SYN3: variants seen among roughly 807,000 people sequenced by gnomAD.
The protein encoded by SYN3 is synapsin III, also known as synapsin-3.
SYN3 carries 35 observed loss-of-function variants against 65.8 expected under a neutral mutation model. The ratio of observed to expected loss-of-function variants is 0.53; its 90% CI spans 0.41 to 0.70. The LOEUF is 0.70. SYN3 is among the 30% of genes least tolerant of loss of function. SYN3 has a pLI of 0.00. For missense variants in SYN3, 680 were observed against 749.0 expected, an observed-to-expected ratio of 0.91 and a Z score of 1.08; for synonymous variants, 270 against 292.9, an observed-to-expected ratio of 0.92 and a Z score of 0.80.
At chr22:32,740,373 A>G (rs531917295) in intron 6 of SYN3, among the ~76,000 whole-genome samples, 1 of 152,324 alleles carries the variant, frequency 6.6e-6, no homozygotes, top group African/African-American at 2.4e-5. Context: ...GAGGTGCTGG[A>G]GAAGCTTGGG....
intron 7 of SYN3, among the ~76,000 whole-genome samples, chr22:32,595,688 C>A (rs2059188861): frequency 6.6e-6 from 1 of 152,124 alleles, no homozygotes; most frequent in Non-Finnish European, 1.5e-5. Flanking sequence ...GGAAGAGGGG[C>A]CTGGTGGGAG....
chr22:32,714,436 G>A (rs572497754), intron 6 of SYN3, among the ~76,000 whole-genome samples: 163 of 152,294 alleles, frequency 1.1e-3, no homozygotes, highest in Non-Finnish European at 9.7e-4. Flanking sequence ...GCCTTGGGGA[G>A]TGGGTAGAGC....
At chr22:32,634,081 T>C (rs968576597) in intron 6 of SYN3, among the ~76,000 whole-genome samples, 2 of 152,184 alleles carry the variant, frequency 1.3e-5, no homozygotes, top group African/African-American at 4.8e-5. Flanking sequence ...CTTGCTAACA[T>C]TTACTGAATG....
chr22:32,630,213 A>G (rs891385281), intron 6 of SYN3, among the ~76,000 whole-genome samples: 2 of 151,972 alleles, frequency 1.3e-5, no homozygotes, highest in African/African-American at 4.8e-5. Flanking sequence ...CCATCTCTTG[A>G]CCTCATGATC....
rs145756876 is a variant in SYN3, at chr22:32,714,437, T to A, written c.712-117701A>T. ...TGCAGGTTAGAATTGCCTTGGGGAG[T>A]GGGTAGAGCCAAGCCACCAGCATTT... is the stretch of plus-strand genomic sequence containing the variant. On this transcript the variant is annotated intron_variant, in intron 6 of 13. Coordinates refer to ENST00000358763, the MANE Select transcript of SYN3 (RefSeq NM_003490.4). 1.2e-4 allele frequency among the ~76,000 whole-genome samples: 18 copies of A among 152,194 alleles called. No individual in the cohort carries two copies. In the East Asian group the frequency reaches 3.5e-3, roughly 29 times the overall value.
chr22:32,724,641 T>C (rs1221789594), intron 6 of SYN3, among the ~76,000 whole-genome samples: 1 of 152,202 alleles, frequency 6.6e-6, no homozygotes, highest in Non-Finnish European at 1.5e-5. Flanking sequence ...ATTTTTTTCA[T>C]GTATTAAATG....
At chr22:32,793,996 G>A (rs2046375742) in intron 6 of SYN3, among the ~76,000 whole-genome samples, 1 of 152,244 alleles carries the variant, frequency 6.6e-6, no homozygotes, top group Non-Finnish European at 1.5e-5. Flanking sequence ...TTGGGGAAGA[G>A]AAGGATGGAG....
chr22:32,747,964 T>G (rs1321053019), intron 6 of SYN3, among the ~76,000 whole-genome samples: 1 of 152,166 alleles, frequency 6.6e-6, no homozygotes, highest in African/African-American at 2.4e-5. Flanking sequence ...GAAGCCTTGC[T>G]CTTGGCAGCC....
chr22:32,530,220 G>C (rs1302376479), intron 10 of SYN3: 1 of 152,170 alleles, frequency 6.6e-6, no homozygotes, highest in Non-Finnish European at 1.5e-5. Context: ...TGATAAGCCC[G>C]GCTCATAAGG....
At chr22:32,649,034 T>C (rs1171380978) in intron 6 of SYN3, among the ~76,000 whole-genome samples, 1 of 152,252 alleles carries the variant, frequency 6.6e-6, no homozygotes, top group African/African-American at 2.4e-5. Context: ...TCGTTCCTAA[T>C]TCTTCACCCC....
intron 4 of SYN3, among the ~76,000 whole-genome samples, chr22:32,891,057 A>AC (rs1190326184): frequency 1.3e-5 from 2 of 152,166 alleles, no homozygotes; most frequent in African/African-American, 4.8e-5. Flanking sequence ...CTGCATGCAG[A>AC]CAAGTTCCTG....
intron 4 of SYN3, among the ~76,000 whole-genome samples, chr22:32,887,683 G>A (rs141842208): frequency 7.9e-5 from 12 of 152,332 alleles, no homozygotes; most frequent in African/African-American, 2.9e-4. Context: ...TCTCTTAGTA[G>A]TTTGTTCCCT....
At chr22:32,957,275 T>G (rs2051495377) in intron 3 of SYN3, among the ~76,000 whole-genome samples, 1 of 152,164 alleles carries the variant, frequency 6.6e-6, no homozygotes, top group Non-Finnish European at 1.5e-5. Context: ...GTAAATGCAG[T>G]GAAAGGAGAT....
chr22:32,594,979 G>C (rs1035525639), intron 7 of SYN3, among the ~76,000 whole-genome samples: 4 of 152,160 alleles, frequency 2.6e-5, no homozygotes, highest in African/African-American at 7.2e-5. Flanking sequence ...ACTATGTTGG[G>C]CATTGTGTCT....
chr22:32,913,178 T>G (rs1365941871), intron 4 of SYN3, among the ~76,000 whole-genome samples: 1 of 151,734 alleles, frequency 6.6e-6, no homozygotes, highest in Non-Finnish European at 1.5e-5. Context: ...TTTTTTTTTT[T>G]GAGATGGAGT....
intron 7 of SYN3, among the ~76,000 whole-genome samples, chr22:32,575,915 G>A (rs191156106): frequency 9.4e-4 from 143 of 152,176 alleles, no homozygotes; most frequent in Non-Finnish European, 1.0e-3. Context: ...AACCTATTCC[G>A]GCTGCGTGGC....
Position 32,692,740 on chromosome 22 carries a change from A to T in SYN3, c.712-96004T>A, listed in dbSNP as rs1422380759. Among the ~76,000 whole-genome samples the T allele has an allele frequency of 2.8e-5, 4 of 143,356 alleles. No homozygotes were observed. In the Admixed American group the frequency reaches 2.9e-4, roughly 10 times the overall value. The allele number at this position is 143,356 out of a possible 152,430, so 94.0% of individuals were successfully genotyped here. ...TAGTCATAATTAGTTCCTCTCTCCC[A>T]TCACTTCCCAAAGCCCTGTCTTTGT... On this transcript the variant is annotated intron_variant, in intron 6 of 13. Coordinates refer to ENST00000358763, the MANE Select transcript of SYN3 (RefSeq NM_003490.4).
chr22:32,537,160 T>TC (rs1266414846), intron 9 of SYN3, among the ~76,000 whole-genome samples: 1 of 150,758 alleles, frequency 6.6e-6, no homozygotes, highest in South Asian at 2.1e-4. Flanking sequence ...CTTCGACCCT[T>TC]CCCCCCCTTT....
chr22:32,940,951 C>T (rs1362661382), intron 3 of SYN3, among the ~76,000 whole-genome samples: 1 of 152,102 alleles, frequency 6.6e-6, no homozygotes, highest in African/African-American at 2.4e-5. Context: ...ATCATATGAC[C>T]TCAAAGGCTC....
Sources: allele counts gnomAD v4.1 joint callset (sites outside exome capture counted in the v4.1 genomes callset), GRCh38; gene constraint gnomAD v4.1.1; transcripts MANE v1.5; gene names NCBI Gene and HGNC (gene_info 2026-07-23, HGNC 2026-07-21).